The following MANBA variants were observed in gnomAD, a reference collection of about 807,000 sequenced individuals.
MANBA encodes the protein beta-mannosidase.
In MANBA, 83 loss-of-function variants were observed where a neutral mutation model predicts 111.1. The observed-to-expected ratio is 0.75, with a 90% confidence interval of 0.63 to 0.90. The LOEUF (loss-of-function observed/expected upper bound fraction) is 0.90, where lower values mean the gene tolerates loss of function less well. Among genes scored for constraint, MANBA ranks in the 40% least tolerant of loss-of-function variants. The pLI is 0.00. For synonymous variants in MANBA, 370 were observed against 378.7 expected (o/e 0.98, Z 0.27); for missense variants, 1,036 against 1,069.0 (o/e 0.97, Z 0.43).
intron 13 of MANBA, among the ~76,000 whole-genome samples, chr4:102,641,764 A>G (rs1729888141): frequency 6.6e-6 from 1 of 152,012 alleles, no homozygotes; most frequent in African/African-American, 2.4e-5. Context: ...CCTCACTATA[A>G]GTTATTTTTT....
intron 4 of MANBA, among the ~76,000 whole-genome samples, chr4:102,717,897 T>A (rs574593077): frequency 1.3e-5 from 2 of 152,300 alleles, no homozygotes; most frequent in East Asian, 3.9e-4. Flanking sequence ...AGAAAAGCAG[T>A]GCTGTGATCA....
Position 102,673,991 on chromosome 4 carries a change from C to A in MANBA, c.1040G>T (p.Gly347Val). 6.2e-7 allele frequency: 1 copy of A among 1,607,734 alleles called. No individual in the cohort carries two copies. The highest frequency in any genetic ancestry group is 8.5e-7 in the Non-Finnish European group (1 of 1,174,310). ...TGAGCCTTTTAGAAATATGGGAAAT[C>A]CATTAATTTTGAAATAGAAACTCAA... ...PGLSFYFKIN[G>V]FPIFLKGSNW... The change falls in exon 8 of 17, where the codon GGA becomes GTA. Residue 347 changes from glycine (G) to valine (V), a missense_variant. By Grantham distance (109) the Gly-to-Val change is moderately radical. Coordinates refer to ENST00000647097, the MANE Select transcript of MANBA (RefSeq NM_005908.4).
chr4:102,713,934 T>C (rs549494483), intron 5 of MANBA, among the ~76,000 whole-genome samples: 2 of 151,940 alleles, frequency 1.3e-5, no homozygotes, highest in Admixed American at 6.6e-5. Context: ...AAGAAATCTT[T>C]CTTTTGCCCT....
chr4:102,742,375 T>C (rs760646927), intron 1 of MANBA, among the ~76,000 whole-genome samples: 8 of 152,120 alleles, frequency 5.3e-5, no homozygotes, highest in Non-Finnish European at 1.2e-4. Context: ...TCCACTTCCA[T>C]CCCTTGCTTC....
At chr4:102,711,846 G>A (rs757809019) in intron 5 of MANBA, among the ~76,000 whole-genome samples, 54 of 152,156 alleles carry the variant, frequency 3.5e-4, no homozygotes, top group South Asian at 6.2e-4. Flanking sequence ...TCACATGTCA[G>A]AGGTAAAAAT....
At chr4:102,657,229 G>GGGGGGGGT (rs1730601082) in intron 12 of MANBA, among the ~76,000 whole-genome samples, 1 of 118,908 alleles carries the variant, frequency 8.4e-6, no homozygotes, top group South Asian at 3.7e-4. Flanking sequence ...GGGTGGGGGG[G>GGGGGGGGT]GGGTGGGCGG....
chr4:102,644,014 A>G (rs1416280609), intron 13 of MANBA, among the ~76,000 whole-genome samples: 2 of 152,084 alleles, frequency 1.3e-5, no homozygotes, highest in African/African-American at 4.8e-5. Context: ...TCCTTCTAAG[A>G]GTTTTATAGT....
At chr4:102,642,173 T>G (rs1026616795) in intron 13 of MANBA, among the ~76,000 whole-genome samples, 17 of 152,076 alleles carry the variant, frequency 1.1e-4, no homozygotes, top group African/African-American at 3.9e-4. Context: ...CCCTTCCCCT[T>G]TAAAAACTGT....
intron 10 of MANBA, 192 bp from the exon 11 acceptor site, chr4:102,665,044 C>A (rs1272871373): frequency 1.0e-5 from 6 of 579,912 alleles, no homozygotes; most frequent in Non-Finnish European, 1.8e-5. Flanking sequence ...TTCTTTTTAA[C>A]TAGATTTTAT....
chr4:102,670,154 C>CAAAAAA (rs70937560), intron 9 of MANBA, among the ~76,000 whole-genome samples: 1,214 of 107,604 alleles, frequency 0.011, 52 homozygotes, highest in African/African-American at 0.046. Flanking sequence ...GACTCCATAT[C>CAAAAAA]AAAAAAAAAA....
chr4:102,705,256 G>A (rs567268081), intron 5 of MANBA, among the ~76,000 whole-genome samples: 4 of 152,096 alleles, frequency 2.6e-5, no homozygotes, highest in Admixed American at 6.6e-5. Context: ...CTCCACCCTC[G>A]CAGCCCCCAG....
chr4:102,697,613 T>C (rs1225555901), intron 5 of MANBA, among the ~76,000 whole-genome samples: 3 of 147,532 alleles, frequency 2.0e-5, no homozygotes, highest in Non-Finnish European at 4.5e-5. Flanking sequence ...CGGTGTTTGG[T>C]TTTTTGTTCT....
At chr4:102,691,401 A>C (rs559273464) in intron 5 of MANBA, among the ~76,000 whole-genome samples, 1 of 152,136 alleles carries the variant, frequency 6.6e-6, no homozygotes, top group Non-Finnish European at 1.5e-5. Context: ...TCAAAAGCAT[A>C]ATAATATCAG....
intron 13 of MANBA, among the ~76,000 whole-genome samples, chr4:102,650,327 T>C (rs1216777013): frequency 2.6e-5 from 4 of 152,232 alleles, no homozygotes; most frequent in Non-Finnish European, 5.9e-5. Flanking sequence ...TTTCAGAATT[T>C]TGTGAGCTGT....
At chr4:102,637,734 A>G (rs1451696366) in intron 14 of MANBA, among the ~76,000 whole-genome samples, 1 of 152,152 alleles carries the variant, frequency 6.6e-6, no homozygotes, top group Admixed American at 6.5e-5. Flanking sequence ...TTCACCCCAT[A>G]TATCTCTTCA....
intron 11 of MANBA, among the ~76,000 whole-genome samples, chr4:102,661,108 T>C (rs1730926926): frequency 6.6e-6 from 1 of 152,198 alleles, no homozygotes; most frequent in South Asian, 2.1e-4. Flanking sequence ...CTGCTCATTA[T>C]ACATACCACC....
chr4:102,662,619 C>T lies in MANBA; in HGVS notation c.1485+2066G>A, dbSNP rs17033107. The T allele has an allele frequency of 6.9e-3, 1,075 of 156,526 alleles. 12 individuals are homozygous for T. Among genetic ancestry groups the T allele is most frequent in the African/African-American group, 0.025 (1,034 of 41,170 alleles). 9.7% of individuals were successfully genotyped at this position (156,526 alleles called of 1,614,324 possible). ...TCAGTAATTCACTACAACGATGACA[C>T]GCAAAGGGAAAGAGGAAAGGCACCT... On this transcript the variant is annotated intron_variant, in intron 11 of 16. Coordinates refer to ENST00000647097, the MANE Select transcript of MANBA (RefSeq NM_005908.4).
chr4:102,758,611 C>T (rs569924975), intron 1 of MANBA, among the ~76,000 whole-genome samples: 7 of 150,554 alleles, frequency 4.6e-5, no homozygotes, highest in South Asian at 4.2e-4. Context: ...GTACAGATCA[C>T]GGCTCACTGC....
At position 102,751,800 on chromosome 4, in the gene MANBA, A is replaced by G. The variant is rs1419018481; in HGVS notation, c.177+8918T>C. The G allele has an allele frequency of 9.7e-6, 5 of 516,228 alleles. No homozygotes were observed. The Admixed American group carries it at 1.0e-4, about 11-fold the overall frequency. 32.0% of individuals were successfully genotyped at this position (516,228 alleles called of 1,614,324 possible). On this transcript the variant is annotated intron_variant, in intron 1 of 16. Transcript: ENST00000647097. ...GTCCTTGGAAAGAAAGTCAATAATGACAATTGTTGGACATAGGGATGTCTT... is the reference window on the plus strand; with the variant it reads ...GTCCTTGGAAAGAAAGTCAATAATGGCAATTGTTGGACATAGGGATGTCTT...
Sources: allele counts gnomAD v4.1 joint callset (sites outside exome capture counted in the v4.1 genomes callset), GRCh38; gene constraint gnomAD v4.1.1; transcripts MANE v1.5; gene names NCBI Gene and HGNC (gene_info 2026-07-23, HGNC 2026-07-21).